THADA: variants seen among roughly 807,000 people sequenced by gnomAD.
THADA encodes tRNA (32-2'-O)-methyltransferase regulator THADA.
A neutral mutation model predicts 219.8 loss-of-function variants in THADA; 213 were observed. That is an observed-to-expected ratio of 0.97 (90% CI 0.87 to 1.09). The LOEUF (loss-of-function observed/expected upper bound fraction) is 1.09. Ranked by LOEUF, THADA falls within the 50% of genes least tolerant of loss-of-function variation. THADA has a pLI of 0.00. For synonymous variants in THADA, 1,018 were observed against 828.9 expected (o/e 1.23, Z -3.92); for missense variants, 2,956 against 2,311.3 (o/e 1.28, Z -5.72).
chr2:43,530,739 T>C (rs1355538326), intron 21 of THADA, among the ~76,000 whole-genome samples: 1 of 152,238 alleles, frequency 6.6e-6, no homozygotes, highest in East Asian at 1.9e-4. Context: ...CAGATTTTCA[T>C]TGCTTCCTTT....
chr2:43,334,631 C>T (rs1425320512), intron 30 of THADA, among the ~76,000 whole-genome samples: 5 of 151,988 alleles, frequency 3.3e-5, no homozygotes, highest in African/African-American at 9.7e-5. Flanking sequence ...AAAAATTAGC[C>T]AGGCGTGGTG....
rs1699949514 is a variant in THADA at position 43,577,206 on chromosome 2, T to C, written c.853A>G (p.Ser285Gly). The change falls in exon 10 of 38, where the codon AGT (serine) becomes GGT (glycine). Residue 285 changes from serine to glycine, a missense_variant. Ser to Gly is a moderately conservative substitution (Grantham distance 56, BLOSUM62 0). Coordinates refer to ENST00000405975, the MANE Select transcript of THADA (RefSeq NM_022065.5). ...SVLLRSVDCT[S>G]VPEWFMSSCR... ...CTGCTCATAAACCACTCGGGGACAC[T>C]GGTGCAGTCCACTGAACGAAGCAGC... is the stretch of plus-strand genomic sequence containing the variant. 1 of 1,601,512 alleles carries C rather than the reference T, an allele frequency of 6.2e-7. No individual in the cohort carries two copies. The highest frequency in any genetic ancestry group is 1.1e-5 in the South Asian group (1 of 88,516).
chr2:43,232,950 G>C (rs1181208948), intron 36 of THADA, 68 bp from the exon 37 acceptor site: 46 of 1,486,486 alleles, frequency 3.1e-5, no homozygotes, highest in Admixed American at 4.4e-5. Flanking sequence ...CAGCCTGCAG[G>C]ACCCTGGGAA....
At chr2:43,507,259 A>G (rs1689795117) in intron 23 of THADA, among the ~76,000 whole-genome samples, 1 of 152,230 alleles carries the variant, frequency 6.6e-6, no homozygotes, top group African/African-American at 2.4e-5. Flanking sequence ...AGAGCTAGGT[A>G]AAGTTATGGC....
chr2:43,580,672 C>G (rs1700334635), intron 8 of THADA, among the ~76,000 whole-genome samples: 2 of 151,670 alleles, frequency 1.3e-5, no homozygotes, highest in African/African-American at 2.4e-5. Flanking sequence ...GTCAGGAGTT[C>G]CAGACCAGCC....
chr2:43,435,293 A>C (rs1679928375), intron 26 of THADA, among the ~76,000 whole-genome samples: 2 of 152,234 alleles, frequency 1.3e-5, no homozygotes. Flanking sequence ...CATCTCTACT[A>C]AAAGAAGAAT....
chr2:43,439,140 T>C (rs1369076001), intron 26 of THADA, among the ~76,000 whole-genome samples: 4 of 152,208 alleles, frequency 2.6e-5, no homozygotes, highest in Non-Finnish European at 4.4e-5. Context: ...GATATCCTCA[T>C]CCTTGGTTTC....
intron 24 of THADA, among the ~76,000 whole-genome samples, chr2:43,502,325 C>T (rs923271334): frequency 7.2e-5 from 11 of 151,956 alleles, no homozygotes; most frequent in Admixed American, 1.3e-4. Context: ...TGGCTCACGC[C>T]GGTAATCCCA....
chr2:43,355,486 C>A (rs1668775341), intron 29 of THADA, among the ~76,000 whole-genome samples: 1 of 152,130 alleles, frequency 6.6e-6, no homozygotes, highest in South Asian at 2.1e-4. Flanking sequence ...TTCCTTTGCT[C>A]GCAGAAGCTT....
intron 29 of THADA, among the ~76,000 whole-genome samples, chr2:43,393,980 T>C (rs558083699): frequency 6.6e-5 from 10 of 152,296 alleles, no homozygotes; most frequent in African/African-American, 2.4e-4. Flanking sequence ...TTGAGAGTGA[T>C]AAGTAACCTA....
Position 43,478,766 on chromosome 2 carries a change from C to T in THADA, c.3836+6468G>A, listed in dbSNP as rs569184433. Among the ~76,000 whole-genome samples the T allele has an allele frequency of 8.5e-5, 13 of 152,240 alleles. No homozygotes were observed. In the South Asian group the frequency reaches 2.3e-3, roughly 27 times the overall value. Reference sequence around the variant, plus strand: ...TATTTAAGAACACAATGACTAATTCCCACTTCAAGTTCATGAAAACATTTC... The same window carrying T: ...TATTTAAGAACACAATGACTAATTCTCACTTCAAGTTCATGAAAACATTTC... On this transcript the variant is annotated intron_variant, in intron 26 of 37. Coordinates refer to ENST00000405975, the MANE Select transcript of THADA (RefSeq NM_022065.5).
intron 17 of THADA, among the ~76,000 whole-genome samples, chr2:43,555,583 A>G (rs1697247534): frequency 6.6e-6 from 1 of 152,100 alleles, no homozygotes; most frequent in Admixed American, 6.6e-5. Context: ...CCAGCTATGA[A>G]GCAATTCAAG....
In THADA at chr2:43,552,198, C is replaced by A. The variant is rs1369160850; in HGVS notation, c.2810+6G>T. 4 of 1,604,352 alleles carry A rather than the reference C, an allele frequency of 2.5e-6. No homozygotes were observed. Among genetic ancestry groups the A allele is most frequent in the Non-Finnish European group, 3.4e-6 (4 of 1,176,432 alleles). Reference sequence around the variant, plus strand: ...TGAGACAGGAGGCAGCTGTGGAAATCCTTACTTTAGAGATAACTTCTGCAA... The same window carrying A: ...TGAGACAGGAGGCAGCTGTGGAAATACTTACTTTAGAGATAACTTCTGCAA... On this transcript the variant is annotated splice_donor_region_variant and intron_variant, in intron 18 of 37. Coordinates refer to ENST00000405975, the MANE Select transcript of THADA (RefSeq NM_022065.5).
At chr2:43,411,436 G>A (rs1398324591) in intron 28 of THADA, among the ~76,000 whole-genome samples, 1 of 152,140 alleles carries the variant, frequency 6.6e-6, no homozygotes, top group African/African-American at 2.4e-5. Context: ...AAACTCACCT[G>A]CTGTATTCAG....
rs752134485 is a variant in THADA at position 43,572,772 on chromosome 2, G to GATCT, written c.1908+38_1908+41dup. 1.9e-6 allele frequency: 3 copies of GATCT among 1,579,426 alleles called. No homozygotes were observed. The South Asian group carries it at 3.5e-5, about 18-fold the overall frequency. On this transcript the variant is annotated intron_variant, in intron 12 of 37. Coordinates refer to ENST00000405975, the MANE Select transcript of THADA (RefSeq NM_022065.5). ...CTATATTGAACTGCTACATGAAAGGGATCTACTGCATGTACAAATCCAGGT... is the reference window on the plus strand; with the variant it reads ...CTATATTGAACTGCTACATGAAAGGGATCTATCTACTGCATGTACAAATCCAGGT...
intron 25 of THADA, among the ~76,000 whole-genome samples, chr2:43,487,856 T>C (rs2105021480): frequency 6.6e-6 from 1 of 152,248 alleles, no homozygotes; most frequent in East Asian, 1.9e-4. Flanking sequence ...GGAAATAAAT[T>C]TGTGGTATTT....
chr2:43,584,100 C>G (rs75597324), intron 7 of THADA, among the ~76,000 whole-genome samples: 1 of 147,982 alleles, frequency 6.8e-6, no homozygotes, highest in Non-Finnish European at 1.5e-5. Flanking sequence ...AAGGACAAAT[C>G]CTACATGATT....
intron 30 of THADA, among the ~76,000 whole-genome samples, chr2:43,325,544 G>A (rs906620657): frequency 4.0e-5 from 6 of 151,660 alleles, no homozygotes; most frequent in African/African-American, 1.5e-4. Context: ...AAAGAAGGAA[G>A]AAGAAAGGAA....
At chr2:43,449,275 C>G (rs1179294329) in intron 26 of THADA, among the ~76,000 whole-genome samples, 1 of 151,712 alleles carries the variant, frequency 6.6e-6, no homozygotes, top group Non-Finnish European at 1.5e-5. Context: ...ATTATTGAGT[C>G]TGAGGAACAA....
Sources: allele counts gnomAD v4.1 joint callset (sites outside exome capture counted in the v4.1 genomes callset), GRCh38; gene constraint gnomAD v4.1.1; transcripts MANE v1.5; gene names NCBI Gene and HGNC (gene_info 2026-07-23, HGNC 2026-07-21).